The following GNAQ variants were observed in gnomAD, a reference collection of about 807,000 sequenced individuals.
GNAQ encodes G protein subunit alpha q.
In GNAQ, 8 loss-of-function variants were observed where a neutral mutation model predicts 43.9. That is an observed-to-expected ratio of 0.18 (90% CI 0.11 to 0.33). The LOEUF (loss-of-function observed/expected upper bound fraction) is 0.33. Ranked by LOEUF, GNAQ falls within the 10% of genes least tolerant of loss-of-function variation. The pLI is 1.00. For synonymous variants in GNAQ, 155 were observed against 170.7 expected (o/e 0.91, Z 0.71); for missense variants, 158 against 450.8 (o/e 0.35, Z 5.88).
In GNAQ at chr9:77,955,150, C is replaced by A. The variant is rs543019248; in HGVS notation, c.137-32805G>T. Reference sequence around the variant, plus strand: ...TGGGGAGGCTTTCAAGAATCTTTTTCTTGTTTTTTTGAGATGGAGTCTCAC... The same window carrying A: ...TGGGGAGGCTTTCAAGAATCTTTTTATTGTTTTTTTGAGATGGAGTCTCAC... On this transcript the variant is annotated intron_variant, in intron 1 of 6. Coordinates refer to ENST00000286548, the MANE Select transcript of GNAQ (RefSeq NM_002072.5). Among the ~76,000 whole-genome samples, 6 of 152,160 alleles carry A rather than the reference C, an allele frequency of 3.9e-5. No homozygotes were observed. In the South Asian group the frequency reaches 1.0e-3, roughly 26 times the overall value.
chr9:77,745,472 A>G (rs1400386146), intron 5 of GNAQ, among the ~76,000 whole-genome samples: 8 of 150,460 alleles, frequency 5.3e-5, no homozygotes, highest in Admixed American at 5.3e-4. Context: ...TTTAAAGTGG[A>G]AAAAAAAAAT....
intron 2 of GNAQ, among the ~76,000 whole-genome samples, chr9:77,874,545 A>G (rs1049988802): frequency 6.6e-6 from 1 of 152,124 alleles, no homozygotes; most frequent in Non-Finnish European, 1.5e-5. Context: ...ATCCTTCCCT[A>G]TGTCCCTCAA....
chr9:77,999,092 CAAAAAAAAAAAAAAA>C (rs56358201), intron 1 of GNAQ, among the ~76,000 whole-genome samples: 1 of 52,574 alleles, frequency 1.9e-5, no homozygotes, highest in African/African-American at 1.0e-4. Flanking sequence ...AACTCTGTCT[CAAAAAAAAAAAAAAA>C]AAAAAAAAAA....
chr9:77,724,076 A>G (rs1391312077), intron 6 of GNAQ, among the ~76,000 whole-genome samples: 2 of 152,224 alleles, frequency 1.3e-5, no homozygotes, highest in Non-Finnish European at 2.9e-5. Context: ...TGTAAATAAC[A>G]TCAAAACACC....
At chr9:77,744,758 A>G (rs910030977) in intron 5 of GNAQ, among the ~76,000 whole-genome samples, 1 of 152,214 alleles carries the variant, frequency 6.6e-6, no homozygotes, top group Non-Finnish European at 1.5e-5. Flanking sequence ...TAAATAACTA[A>G]AGGTAAAAAC....
At chr9:77,772,274 C>CT (rs1378557401) in intron 5 of GNAQ, among the ~76,000 whole-genome samples, 3 of 152,094 alleles carry the variant, frequency 2.0e-5, no homozygotes, top group African/African-American at 2.4e-5. Context: ...ATTTATTTCA[C>CT]TTTTTTAAAG....
chr9:77,939,476 T>C (rs368477779), intron 1 of GNAQ, among the ~76,000 whole-genome samples: 2 of 152,202 alleles, frequency 1.3e-5, no homozygotes, highest in Admixed American at 1.3e-4. Flanking sequence ...TCCCAACCTA[T>C]TGCTGACTAT....
chr9:77,791,090 AATG>A (rs948308181), intron 5 of GNAQ, among the ~76,000 whole-genome samples: 2 of 152,186 alleles, frequency 1.3e-5, no homozygotes, highest in African/African-American at 4.8e-5. Flanking sequence ...GTTTTAATAA[AATG>A]ATAACATAAT....
intron 2 of GNAQ, among the ~76,000 whole-genome samples, chr9:77,819,415 C>A (rs1827075790): frequency 6.6e-6 from 1 of 152,174 alleles, no homozygotes; most frequent in Non-Finnish European, 1.5e-5. Flanking sequence ...CCACAGCAGG[C>A]CAAGCCTTTA....
chr9:78,013,700 T>C (rs1363710259), intron 1 of GNAQ, among the ~76,000 whole-genome samples: 2 of 152,120 alleles, frequency 1.3e-5, no homozygotes, highest in Admixed American at 1.3e-4. Context: ...AACAAAAAAG[T>C]TAATACACGC....
intron 1 of GNAQ, among the ~76,000 whole-genome samples, chr9:77,957,509 T>C (rs1823057703): frequency 2.6e-5 from 4 of 152,278 alleles, no homozygotes; most frequent in Admixed American, 2.0e-4. Context: ...GAATCACCTT[T>C]GCATGGAAAG....
intron 2 of GNAQ, among the ~76,000 whole-genome samples, chr9:77,893,252 C>A (rs1429814627): frequency 6.6e-6 from 1 of 152,140 alleles, no homozygotes; most frequent in Non-Finnish European, 1.5e-5. Flanking sequence ...GGTAAAGAAG[C>A]CAGCCAAAAC....
At chr9:77,806,592 T>A (rs1444123056) in intron 3 of GNAQ, among the ~76,000 whole-genome samples, 1 of 152,148 alleles carries the variant, frequency 6.6e-6, no homozygotes, top group African/African-American at 2.4e-5. Context: ...TGAACTGTAG[T>A]CACTGGAGAA....
chr9:78,031,106 G>T lies in GNAQ; in HGVS notation c.130C>A (p.Leu44Met). The T allele has an allele frequency of 1.3e-6, 2 of 1,524,572 alleles. No individual in the cohort carries two copies. Among genetic ancestry groups the T allele is most frequent in the Non-Finnish European group, 1.8e-6 (2 of 1,135,882 alleles). The allele number at this position is 1,524,572 out of a possible 1,614,324, so 94.4% of individuals were successfully genotyped here. ...RDARRELKLL[L>M]LGTGESGKST... is the part of the protein sequence containing the mutation. ...GGCCCCGGACGGTACTCACCGAGCA[G>T]CAGCAGCTTGAGCTCCCGGCGGGCG... The change falls in exon 1 of 7, where the codon CTG (leucine) becomes ATG (methionine). Residue 44 changes from leucine to methionine, a missense_variant. This residue lies in a region of GNAQ where 10 missense variants were observed against 28.8 expected (regional missense o/e 0.35). Transcript: ENST00000286548.
At chr9:78,002,631 C>A (rs1823657898) in intron 1 of GNAQ, among the ~76,000 whole-genome samples, 2 of 152,180 alleles carry the variant, frequency 1.3e-5, no homozygotes, top group Admixed American at 6.5e-5. Flanking sequence ...ACCACACTGA[C>A]CCACAATCTT....
chr9:77,893,441 T>C (rs888649109), intron 2 of GNAQ, among the ~76,000 whole-genome samples: 7 of 152,210 alleles, frequency 4.6e-5, no homozygotes, highest in African/African-American at 1.2e-4. Flanking sequence ...GTTCTGGGAA[T>C]TGCCCACCCT....
intron 1 of GNAQ, among the ~76,000 whole-genome samples, chr9:77,973,597 A>G (rs1353348393): frequency 6.6e-6 from 1 of 152,198 alleles, no homozygotes; most frequent in African/African-American, 2.4e-5. Flanking sequence ...CAGGCAGATC[A>G]CTTGCAGTCA....
At chr9:77,921,969 T>C (rs1264834606) in intron 2 of GNAQ, among the ~76,000 whole-genome samples, 192 bp downstream of exon 2, 2 of 152,230 alleles carry the variant, frequency 1.3e-5, no homozygotes, top group African/African-American at 2.4e-5. Flanking sequence ...GGTATAACTT[T>C]AGAGGTTTAA....
intron 5 of GNAQ, among the ~76,000 whole-genome samples, chr9:77,762,517 G>T: frequency 6.7e-6 from 1 of 149,674 alleles, no homozygotes; most frequent in African/African-American, 2.5e-5. Flanking sequence ...CACCTGGGAG[G>T]TGAGGGGCGC....
Sources: gnomAD v4.1 joint callset for allele counts (sites outside exome capture counted in the v4.1 genomes callset) on GRCh38, gnomAD v4.1.1 for gene constraint, gnomAD v4.1.1 regional missense constraint, MANE v1.5 for transcripts, NCBI Gene and HGNC (gene_info 2026-07-23, HGNC 2026-07-21) for gene names.